Variants in HDAC9 observed in about 807,000 individuals in gnomAD.
HDAC9 encodes the protein MEF-2 interacting transcription repressor (MITR) protein.
A neutral mutation model predicts 139.4 loss-of-function variants in HDAC9; 41 were observed. The ratio of observed to expected loss-of-function variants is 0.29; its 90% CI spans 0.23 to 0.38. The LOEUF (loss-of-function observed/expected upper bound fraction) is 0.38. Ranked by LOEUF, HDAC9 falls within the 10% of genes least tolerant of loss-of-function variation. The pLI is 1.00. For missense variants in HDAC9, 1,147 were observed against 1,297.0 expected (o/e 0.88, Z 1.78); for synonymous variants, 517 against 476.2 (o/e 1.09, Z -1.12).
chr7:18,914,360 G>C (rs923222800), intron 22 of HDAC9, among the ~76,000 whole-genome samples: 1 of 151,872 alleles, frequency 6.6e-6, no homozygotes, highest in East Asian at 1.9e-4. Context: ...TTCGTTTCAG[G>C]TTTTCAATGT....
chr7:18,570,200 A>G (rs1349701669), intron 2 of HDAC9, among the ~76,000 whole-genome samples: 1 of 152,204 alleles, frequency 6.6e-6, no homozygotes, highest in African/African-American at 2.4e-5. Flanking sequence ...AAACAAAAAA[A>G]AATGCTAATT....
chr7:18,958,055 G>GC (rs754385322), intron 24 of HDAC9, among the ~76,000 whole-genome samples: 25 of 152,148 alleles, frequency 1.6e-4, no homozygotes, highest in Non-Finnish European at 3.5e-4. Context: ...TGCTGGAGGT[G>GC]CGTTGGCTCC....
chr7:18,655,358 C>T (rs1406427174), intron 11 of HDAC9, among the ~76,000 whole-genome samples: 2 of 152,048 alleles, frequency 1.3e-5, no homozygotes, highest in Admixed American at 6.6e-5. Context: ...TAAAAAGCCT[C>T]CTAGATTATT....
At chr7:18,413,915 C>G (rs773785309) in intron 1 of HDAC9, among the ~76,000 whole-genome samples, 11 of 152,038 alleles carry the variant, frequency 7.2e-5, no homozygotes, top group Non-Finnish European at 1.0e-4. Flanking sequence ...ATATTTGGGA[C>G]TTTTCCTTGA....
intron 2 of HDAC9, among the ~76,000 whole-genome samples, chr7:18,249,276 G>T (rs372891419): frequency 6.6e-6 from 1 of 152,052 alleles, no homozygotes; most frequent in East Asian, 1.9e-4. Flanking sequence ...GCTGAGGTGG[G>T]CAGATTGCTT....
intron 2 of HDAC9, among the ~76,000 whole-genome samples, chr7:18,532,883 G>A (rs1809504328): frequency 6.6e-6 from 1 of 151,338 alleles, no homozygotes; most frequent in Middle Eastern, 3.4e-3. Context: ...ATTTGTTTAT[G>A]CATTTTAAGC....
At chr7:18,528,012 C>T (rs1206015526) in intron 2 of HDAC9, among the ~76,000 whole-genome samples, 5 of 151,836 alleles carry the variant, frequency 3.3e-5, no homozygotes, top group Non-Finnish European at 4.4e-5. Context: ...AATTATAGGT[C>T]GGGCATGGTG....
intron 8 of HDAC9, among the ~76,000 whole-genome samples, chr7:18,636,993 G>A (rs751537726): frequency 1.3e-5 from 2 of 151,962 alleles, no homozygotes; most frequent in African/African-American, 4.8e-5. Flanking sequence ...GATGGATTTT[G>A]TGCCATTGAA....
At chr7:18,989,567 G>T (rs1428129698) in intron 25 of HDAC9, among the ~76,000 whole-genome samples, 2 of 150,314 alleles carry the variant, frequency 1.3e-5, no homozygotes, top group Non-Finnish European at 1.5e-5. Flanking sequence ...TCTTTGTGGC[G>T]TTCTCTGTAT....
chr7:18,667,210 C>G, intron 12 of HDAC9: 1 of 985,066 alleles, frequency 1.0e-6, no homozygotes, highest in Non-Finnish European at 1.2e-6. Context: ...ATGACACTGT[C>G]TATCAAAAAA....
At chr7:18,922,601 T>G (rs1803855072) in intron 22 of HDAC9, among the ~76,000 whole-genome samples, 1 of 152,028 alleles carries the variant, frequency 6.6e-6, no homozygotes, top group African/African-American at 2.4e-5. Context: ...CCCAGGAGAT[T>G]CTGATTAACC....
At chr7:18,506,288 C>G (rs1799747064) in intron 2 of HDAC9, among the ~76,000 whole-genome samples, 1 of 152,118 alleles carries the variant, frequency 6.6e-6, no homozygotes, top group South Asian at 2.1e-4. Flanking sequence ...GGCAAAGAGG[C>G]GGCCTTGATG....
rs191702143 is a variant in HDAC9, at chr7:18,258,045, T to G, written c.25+95696T>G. 6.6e-5 allele frequency among the ~76,000 whole-genome samples: 10 copies of G among 152,360 alleles called. No homozygotes were observed. In the East Asian group the frequency reaches 1.9e-3, roughly 29 times the overall value. ...GTTGAGAAGCACATATTAAAGTATC[T>G]AAGTTGACTTAAAAGACAGTTAGAT... On this transcript the variant is annotated intron_variant, in intron 2 of 12. Transcript: ENST00000417496.
Position 18,902,977 on chromosome 7 carries a change from G to T in HDAC9, c.2803+28381G>T, listed in dbSNP as rs568792568. Among the ~76,000 whole-genome samples the T allele has an allele frequency of 2.0e-5, 3 of 152,304 alleles. No individual in the cohort carries two copies. In the South Asian group the frequency reaches 6.2e-4, roughly 32 times the overall value. On this transcript the variant is annotated intron_variant, in intron 22 of 25. Coordinates refer to ENST00000686413, the MANE Select transcript of HDAC9 (RefSeq NM_178425.4). ...TGCTAAGGGGTAAGCAAAACCAATT[G>T]TGCAGAGCTAGTCAGTCTGATATAA...
chr7:18,788,929 T>C lies in HDAC9; in HGVS notation c.2215-4416T>C, dbSNP rs552900512. ...TGCAGTCTTTCAGGACCAGAAGAGATGGATTTTAGGTTTTCCTTCCACTCA... is the reference window on the plus strand; with the variant it reads ...TGCAGTCTTTCAGGACCAGAAGAGACGGATTTTAGGTTTTCCTTCCACTCA... On this transcript the variant is annotated intron_variant, in intron 16 of 25. Transcript: ENST00000686413. Among the ~76,000 whole-genome samples the C allele has an allele frequency of 7.2e-5, 11 of 152,200 alleles. No homozygotes were observed. The South Asian group carries it at 2.1e-3, about 29-fold the overall frequency.
chr7:18,303,494 A>G (rs377163742), intron 1 of HDAC9, among the ~76,000 whole-genome samples: 2 of 151,180 alleles, frequency 1.3e-5, no homozygotes, highest in Non-Finnish European at 2.9e-5. Flanking sequence ...TGATCTGCCC[A>G]CCTCGGGCTC....
At chr7:18,192,038 A>G (rs1338005687) in intron 2 of HDAC9, among the ~76,000 whole-genome samples, 2 of 152,146 alleles carry the variant, frequency 1.3e-5, no homozygotes, top group Admixed American at 6.5e-5. Flanking sequence ...ATTGTACAGT[A>G]TTGCTTGATG....
At chr7:18,633,151 A>C (rs944371100) in intron 7 of HDAC9, among the ~76,000 whole-genome samples, 2 of 152,086 alleles carry the variant, frequency 1.3e-5, no homozygotes, top group African/African-American at 4.8e-5. Context: ...TAAAGTCACA[A>C]ACTTAGGTGA....
intron 22 of HDAC9, among the ~76,000 whole-genome samples, chr7:18,889,344 T>C (rs891126182): frequency 6.6e-6 from 1 of 152,210 alleles, no homozygotes; most frequent in Admixed American, 6.5e-5. Flanking sequence ...CGTTACTGTG[T>C]GTTGTTAACT....
Sources: allele counts gnomAD v4.1 joint callset (sites outside exome capture counted in the v4.1 genomes callset), GRCh38; gene constraint gnomAD v4.1.1; transcripts MANE v1.5; gene names NCBI Gene and HGNC (gene_info 2026-07-23, HGNC 2026-07-21).